Variants in FLNC observed in about 807,000 individuals in gnomAD.
The protein encoded by FLNC is filamin C.
A neutral mutation model predicts 254.3 loss-of-function variants in FLNC; 91 were observed. The ratio of observed to expected loss-of-function variants is 0.36; its 90% CI spans 0.30 to 0.43. FLNC has a LOEUF of 0.43. FLNC is among the 20% of genes least tolerant of loss of function. FLNC has a pLI of 1.00. For missense variants in FLNC, 2,853 were observed against 3,802.6 expected (o/e 0.75, Z 6.57); for synonymous variants, 1,430 against 1,577.2 (o/e 0.91, Z 2.21).
rs756141780 is a variant in FLNC at position 128,840,178 on chromosome 7, G to C, written c.1549+18G>C. The C allele has an allele frequency of 1.7e-5, 28 of 1,613,014 alleles. No individual in the cohort carries two copies. The African/African-American group carries it at 3.5e-4, about 20-fold the overall frequency. On this transcript the variant is annotated intron_variant, in intron 9 of 47. Transcript: ENST00000325888. ...GGGGCCAAGTGAGTGCCAGAGCCCA[G>C]GGTCGTGAGGGTGGGGCTGGGGGAT...
intron 8 of FLNC, among the ~76,000 whole-genome samples, chr7:128,839,404 G>A (rs1247525587): frequency 6.6e-6 from 1 of 152,148 alleles, no homozygotes; most frequent in Non-Finnish European, 1.5e-5. Context: ...CAGTGCCATC[G>A]CCTATGGTCA....
rs760120511 is a variant in FLNC at position 128,853,562 on chromosome 7, G to A, written c.6302G>A (p.Cys2101Tyr). 3.7e-5 allele frequency: 59 copies of A among 1,613,892 alleles called. No individual in the cohort carries two copies. The highest frequency in any genetic ancestry group is 4.9e-5 in the Non-Finnish European group (58 of 1,180,006). The change falls in exon 38 of 48, where the codon TGC becomes TAC. Residue 2101 changes from cysteine to tyrosine, a missense_variant. By Grantham distance (194) the Cys-to-Tyr change is radical. Around this residue, in one of 10 missense-constraint regions of FLNC, gnomAD observed 551 missense variants for 835.0 expected, o/e 0.66. Coordinates refer to ENST00000325888, the MANE Select transcript of FLNC (RefSeq NM_001458.5). ...MEDGTCKVTYCPTEPGTYIIN... is the reference protein window; with the variant it reads ...MEDGTCKVTYYPTEPGTYIIN... Reference sequence around the variant, plus strand: ...GACGGGACATGCAAAGTCACCTACTGCCCCACCGAGCCCGGCACCTACATC... The same window carrying A: ...GACGGGACATGCAAAGTCACCTACTACCCCACCGAGCCCGGCACCTACATC...
At position 128,844,930 on chromosome 7, in the gene FLNC, G is replaced by C. The variant is rs374686347; in HGVS notation, c.3465G>C (p.Pro1155=). 7 of 1,613,760 alleles carry C rather than the reference G, an allele frequency of 4.3e-6. No individual in the cohort carries two copies. In the African/African-American group the frequency reaches 8.0e-5, roughly 18 times the overall value. ...CCACCATTCGGCCTGTGTTTGACCCGAGCAAGGTGCGGGCCAGTGGACCGG... is the reference window on the plus strand; with the variant it reads ...CCACCATTCGGCCTGTGTTTGACCCCAGCAAGGTGCGGGCCAGTGGACCGG... ...FKATIRPVFD[P]SKVRASGPGL... is the part of the protein sequence containing the mutation. The change falls in exon 21 of 48, where the codon CCG becomes CCC. Residue 1155 remains proline (P), a synonymous_variant. Transcript: ENST00000325888.
Position 128,841,273 on chromosome 7 carries a change from T to C in FLNC, c.1917T>C (p.Ala639=), listed in dbSNP as rs781632907. The C allele has an allele frequency of 1.2e-6, 2 of 1,614,108 alleles. No individual in the cohort carries two copies. The highest frequency in any genetic ancestry group is 2.2e-5 in the South Asian group (2 of 91,086). ...RYWPTEPGEY[A]VHVICDDEDI... Reference sequence around the variant, plus strand: ...GGCCCACGGAGCCTGGGGAGTACGCTGTGCACGTCATCTGTGACGATGAGG... The same window carrying C: ...GGCCCACGGAGCCTGGGGAGTACGCCGTGCACGTCATCTGTGACGATGAGG... Residue 639 remains alanine (A), a synonymous_variant, in exon 12 of 48, where the codon GCT becomes GCC. Coordinates refer to ENST00000325888, the MANE Select transcript of FLNC (RefSeq NM_001458.5). This position sits in a 1 kb window ranked among gnomAD's most constrained non-coding sequence, Gnocchi z 4.3.
In FLNC at chr7:128,845,885, G is replaced by A. The variant is rs960219989; in HGVS notation, c.3791-105G>A. The A allele has an allele frequency of 1.4e-5, 13 of 925,496 alleles. No individual in the cohort carries two copies. The African/African-American group carries it at 1.8e-4, about 13-fold the overall frequency. The allele number at this position is 925,496 out of a possible 1,614,324, so 57.3% of individuals were successfully genotyped here. On this transcript the variant is annotated intron_variant, in intron 21 of 47. Transcript: ENST00000325888. ...GAGGGTGAGAGGAGGGGAAGAGGAG[G>A]GGAAGAGGAGAGGGAGAGGAGAGGG...
At position 128,848,640 on chromosome 7, in the gene FLNC, A is replaced by C. The variant is rs754224673; in HGVS notation, c.4660A>C (p.Ile1554Leu). Residue 1554 changes from isoleucine to leucine, a missense_variant, in exon 27 of 48, where the codon ATC (isoleucine) becomes CTC (leucine). Physicochemically the swap from Ile to Leu is conservative, Grantham distance 5 (BLOSUM62 2). This residue lies in a region of FLNC where 1,573 missense variants were observed against 1,883.5 expected (regional missense o/e 0.84). Transcript: ENST00000325888. ...CGGCCCAGGCCTCAACGCCTCTGGC[A>C]TCCCTGCCAGCCTGCCTGTGGAGTT... Reference protein sequence around the residue: ...ASGPGLNASGIPASLPVEFTI... With the variant: ...ASGPGLNASGLPASLPVEFTI... The C allele has an allele frequency of 7.2e-5, 116 of 1,613,378 alleles. No homozygotes were observed. The highest frequency in any genetic ancestry group is 9.5e-5 in the Non-Finnish European group (112 of 1,180,030).
intron 21 of FLNC, 31 bp downstream of exon 21, chr7:128,845,286 A>G: frequency 6.4e-7 from 1 of 1,570,226 alleles, no homozygotes; most frequent in Non-Finnish European, 8.7e-7. Flanking sequence ...AAGAAAGGTC[A>G]AGTGGCAGGT....
intron 1 of FLNC, among the ~76,000 whole-genome samples, chr7:128,833,151 G>A (rs529533318): frequency 2.6e-5 from 4 of 152,256 alleles, no homozygotes; most frequent in South Asian, 2.1e-4. Context: ...CTGGCCCCCC[G>A]TTGCCCCTCG....
chr7:128,852,922 G>A lies in FLNC; in HGVS notation c.6099G>A (p.Val2033=), dbSNP rs373208308. 2 of 1,613,704 alleles carry A rather than the reference G, an allele frequency of 1.2e-6. No homozygotes were observed. Among genetic ancestry groups the A allele is most frequent in the Non-Finnish European group, 8.5e-7 (1 of 1,180,044 alleles). The change falls in exon 37 of 48, where the codon GTG becomes GTA. Residue 2033 remains valine (V), a synonymous_variant. Coordinates refer to ENST00000325888, the MANE Select transcript of FLNC (RefSeq NM_001458.5). ...HVTNSPFKIL[V]GPSEIGDASK... ...CCAACAGCCCCTTCAAGATCCTGGT[G>A]GGGCCATCTGAGATCGGGGACGCCA...
intron 42 of FLNC, 116 bp downstream of exon 42, chr7:128,855,028 C>G (rs978795627): frequency 2.0e-5 from 24 of 1,211,838 alleles, no homozygotes; most frequent in South Asian, 3.6e-5. Flanking sequence ...CCGGAGCCCC[C>G]TGCTCTTCCT....
Position 128,840,180 on chromosome 7 carries a change from G to T in FLNC, c.1549+20G>T. ...GGCCAAGTGAGTGCCAGAGCCCAGGGTCGTGAGGGTGGGGCTGGGGGATCA... is the reference window on the plus strand; with the variant it reads ...GGCCAAGTGAGTGCCAGAGCCCAGGTTCGTGAGGGTGGGGCTGGGGGATCA... On this transcript the variant is annotated intron_variant, in intron 9 of 47. Coordinates refer to ENST00000325888, the MANE Select transcript of FLNC (RefSeq NM_001458.5). The T allele has an allele frequency of 1.2e-6, 2 of 1,613,134 alleles. No individual in the cohort carries two copies. The highest frequency in any genetic ancestry group is 1.1e-5 in the South Asian group (1 of 91,084).
chr7:128,850,511 G>C, intron 32 of FLNC, 28 bp downstream of exon 32: 1 of 1,562,564 alleles, frequency 6.4e-7, no homozygotes, highest in South Asian at 1.1e-5. Context: ...CCAGGCATGA[G>C]GGCTGAGGGG....
In FLNC at chr7:128,830,762, T is replaced by G. The variant is rs777706683; in HGVS notation, c.125T>G (p.Phe42Cys). ...TGGAAGAAGATCCAGCAGAACACATTCACGCGCTGGTGCAATGAGCACCTC... is the reference window on the plus strand; with the variant it reads ...TGGAAGAAGATCCAGCAGAACACATGCACGCGCTGGTGCAATGAGCACCTC... ...APWKKIQQNT[F>C]TRWCNEHLKC... The change falls in exon 1 of 48, where the codon TTC becomes TGC. Residue 42 changes from phenylalanine to cysteine, a missense_variant. Phe to Cys is a radical substitution (Grantham distance 205). Around this residue, in one of 10 missense-constraint regions of FLNC, gnomAD observed 13 missense variants for 37.8 expected, o/e 0.34. Coordinates refer to ENST00000325888, the MANE Select transcript of FLNC (RefSeq NM_001458.5). 5 of 1,613,182 alleles carry G rather than the reference T, an allele frequency of 3.1e-6. No homozygotes were observed. Among genetic ancestry groups the G allele is most frequent in the Non-Finnish European group, 4.2e-6 (5 of 1,179,950 alleles).
At chr7:128,852,803 T>C (rs751615678) in intron 36 of FLNC, 25 bp from the exon 37 acceptor site, 2 of 1,613,706 alleles carry the variant, frequency 1.2e-6, no homozygotes, top group Middle Eastern at 1.6e-4. Flanking sequence ...CACAGGATGC[T>C]CTGCCTAACA....
At position 128,837,403 on chromosome 7, in the gene FLNC, T is replaced by G. The variant is rs779902112; in HGVS notation, c.705T>G (p.Ile235Met). 1 of 1,614,102 alleles carries G rather than the reference T, an allele frequency of 6.2e-7. No individual in the cohort carries two copies. The highest frequency in any genetic ancestry group is 8.5e-7 in the Non-Finnish European group (1 of 1,180,010). The change falls in exon 4 of 48, where the codon ATT (isoleucine) becomes ATG (methionine). Residue 235 changes from isoleucine (I) to methionine (M), a missense_variant. Ile to Met is a conservative substitution (Grantham distance 10). This residue lies in a region of FLNC where 115 missense variants were observed against 230.3 expected (regional missense o/e 0.50). Coordinates refer to ENST00000325888, the MANE Select transcript of FLNC (RefSeq NM_001458.5). ...ATCACTCCTTTCCATCGCAGGTCATTGCCCCTGAGGAGATTGTGGACCCCA... is the reference window on the plus strand; with the variant it reads ...ATCACTCCTTTCCATCGCAGGTCATGGCCCCTGAGGAGATTGTGGACCCCA... The part of the protein sequence containing the change: ...ADDWLGVPQV[I>M]APEEIVDPNV...
chr7:128,850,452 C>G lies in FLNC; in HGVS notation c.5367C>G (p.Ile1789Met), dbSNP rs377214486. 4.3e-6 allele frequency: 7 copies of G among 1,613,880 alleles called. No homozygotes were observed. The highest frequency in any genetic ancestry group is 5.9e-6 in the Non-Finnish European group (7 of 1,179,990). The change falls in exon 32 of 48, where the codon ATC (isoleucine) becomes ATG (methionine). Residue 1789 changes from isoleucine to methionine, a missense_variant. Physicochemically the swap from Ile to Met is conservative, Grantham distance 10. This residue lies in a region of FLNC where 258 missense variants were observed against 312.3 expected (regional missense o/e 0.83). Coordinates refer to ENST00000325888, the MANE Select transcript of FLNC (RefSeq NM_001458.5). ...ESMLRPFNLV[I>M]PFAVQKGELT... is the part of the protein sequence containing the mutation. ...TGCTGAGGCCCTTCAACCTGGTCAT[C>G]CCCTTCGCGGTGCAGAAAGGGGAGC... is the stretch of plus-strand genomic sequence containing the variant.
Position 128,838,018 on chromosome 7 carries a change from G to A in FLNC, c.1001G>A (p.Arg334His), listed in dbSNP as rs779347920. ...AKVVPNNDKD[R>H]TYAVSYVPKV... Reference sequence around the variant, plus strand: ...GTGGTTCCCAACAATGACAAGGATCGCACCTATGCTGTCTCCTATGTGCCC... The same window carrying A: ...GTGGTTCCCAACAATGACAAGGATCACACCTATGCTGTCTCCTATGTGCCC... Residue 334 changes from arginine to histidine, a missense_variant, in exon 6 of 48, where the codon CGC becomes CAC. Coordinates refer to ENST00000325888, the MANE Select transcript of FLNC (RefSeq NM_001458.5). 8.1e-6 allele frequency: 13 copies of A among 1,613,956 alleles called. No individual in the cohort carries two copies. The highest frequency in any genetic ancestry group is 2.2e-5 in the East Asian group (1 of 44,884).
intron 1 of FLNC, among the ~76,000 whole-genome samples, chr7:128,831,675 G>A (rs1476305479): frequency 6.6e-6 from 1 of 152,196 alleles, no homozygotes; most frequent in Admixed American, 6.5e-5. Context: ...GCAAGTCCAG[G>A]CCCTGCCCCA....
intron 35 of FLNC, 64 bp downstream of exon 35, chr7:128,851,692 G>A: frequency 6.4e-7 from 1 of 1,561,574 alleles, no homozygotes; most frequent in South Asian, 1.1e-5. Context: ...GTGCACTCAT[G>A]TGCAAGCCCA....
Sources: allele counts gnomAD v4.1 joint callset (sites outside exome capture counted in the v4.1 genomes callset), GRCh38; gene constraint gnomAD v4.1.1; regional missense constraint gnomAD v4.1.1; non-coding constraint Gnocchi (gnomAD v3.1); transcripts MANE v1.5; gene names NCBI Gene and HGNC (gene_info 2026-07-23, HGNC 2026-07-21).